RNPC3: variants seen among roughly 807,000 people sequenced by gnomAD.
The protein encoded by RNPC3 is RNA binding region (RNP1, RRM) containing 3.
In RNPC3, 48 loss-of-function variants were observed where a neutral mutation model predicts 67.5. The ratio of observed to expected loss-of-function variants is 0.71; its 90% CI spans 0.56 to 0.90. The LOEUF (loss-of-function observed/expected upper bound fraction) is 0.90. Ranked by LOEUF, RNPC3 falls within the 40% of genes least tolerant of loss-of-function variation. RNPC3 has a pLI of 0.00. For missense variants in RNPC3, 637 were observed against 626.1 expected, an observed-to-expected ratio of 1.02 and a Z score of -0.19; for synonymous variants, 239 against 210.3, an observed-to-expected ratio of 1.14 and a Z score of -1.18.
chr1:103,540,769 A>G (rs1469370399), intron 7 of RNPC3, among the ~76,000 whole-genome samples: 1 of 152,172 alleles, frequency 6.6e-6, no homozygotes, highest in Non-Finnish European at 1.5e-5. Context: ...CTTTAATATT[A>G]AATATTCATA....
At chr1:103,531,344 T>C (rs1048308403) in intron 2 of RNPC3, among the ~76,000 whole-genome samples, 3 of 152,202 alleles carry the variant, frequency 2.0e-5, no homozygotes, top group Admixed American at 2.0e-4. Context: ...TAATGACTTA[T>C]TGTCCTCTGG....
chr1:103,549,791 C>T (rs866551039), intron 12 of RNPC3, among the ~76,000 whole-genome samples: 7 of 152,252 alleles, frequency 4.6e-5, no homozygotes, highest in Middle Eastern at 6.8e-3. Context: ...TGGACATCAC[C>T]TGTAAAATTA....
At chr1:103,546,895 C>A in intron 11 of RNPC3, 82 bp from the exon 12 acceptor site, 1 of 709,408 alleles carries the variant, frequency 1.4e-6, no homozygotes, top group Admixed American at 2.7e-5. Context: ...ACCTCTTCTA[C>A]TGATGCATTG....
intron 7 of RNPC3, among the ~76,000 whole-genome samples, chr1:103,540,510 T>TA (rs1651100793): frequency 6.6e-6 from 1 of 152,232 alleles, no homozygotes; most frequent in African/African-American, 2.4e-5. Context: ...ATACTTTGAA[T>TA]AACTAAATTT....
chr1:103,549,598 A>G (rs770144822), intron 12 of RNPC3, among the ~76,000 whole-genome samples: 8 of 152,180 alleles, frequency 5.3e-5, no homozygotes, highest in Non-Finnish European at 1.0e-4. Context: ...AATATTAGGT[A>G]ATATTTCAGT....
chr1:103,553,014 C>A (rs1048129799), intron 14 of RNPC3, among the ~76,000 whole-genome samples: 12 of 152,050 alleles, frequency 7.9e-5, no homozygotes, highest in African/African-American at 2.4e-5. Flanking sequence ...ACTAAAAGAA[C>A]ACGAAGTAAT....
intron 2 of RNPC3, among the ~76,000 whole-genome samples, chr1:103,531,333 A>G (rs1015418589): frequency 2.0e-5 from 3 of 152,188 alleles, no homozygotes; most frequent in East Asian, 1.9e-4. Flanking sequence ...TCTTTTTTGT[A>G]TAATGACTTA....
At position 103,537,500 on chromosome 1, in the gene RNPC3, A is replaced by T. The variant is rs780202337; in HGVS notation, c.767+16A>T. ...ACCGACAGAGGTTTGTAACATGAAAAATTTGTTTAGTTTCCAAGAAACATA... is the reference window on the plus strand; with the variant it reads ...ACCGACAGAGGTTTGTAACATGAAATATTTGTTTAGTTTCCAAGAAACATA... On this transcript the variant is annotated intron_variant, in intron 7 of 14. Coordinates refer to ENST00000423855, the MANE Select transcript of RNPC3 (RefSeq NM_017619.4). 6.5e-7 allele frequency: 1 copy of T among 1,528,314 alleles called. No individual in the cohort carries two copies. Among genetic ancestry groups the T allele is most frequent in the South Asian group, 1.2e-5 (1 of 82,948 alleles). 94.7% of individuals were successfully genotyped at this position (1,528,314 alleles called of 1,614,324 possible). A position where few individuals can be genotyped will look rare whatever the true frequency, so the allele number is the denominator to read the frequency against.
rs930438084 is a variant in RNPC3, at chr1:103,543,441, A to C, written c.1039A>C (p.Asn347His). The stretch of plus-strand genomic sequence containing the variant: ...AAAGGAACAAAATTGTGAGGAAAAA[A>C]ATCATGGTAAGGATATTCTAGTTAT... ...LEKEQNCEEK[N>H]HDLPATEVDA... The change falls in exon 9 of 15, where the codon AAT becomes CAT. Residue 347 changes from asparagine to histidine, a missense_variant. Around this residue, in one of 3 missense-constraint regions of RNPC3, gnomAD observed 536 missense variants for 500.3 expected, o/e 1.07. Coordinates refer to ENST00000423855, the MANE Select transcript of RNPC3 (RefSeq NM_017619.4). The C allele has an allele frequency of 1.7e-5, 26 of 1,505,700 alleles. No individual in the cohort carries two copies. The highest frequency in any genetic ancestry group is 2.3e-5 in the Non-Finnish European group (26 of 1,133,474). The allele number at this position is 1,505,700 out of a possible 1,614,324, so 93.3% of individuals were successfully genotyped here. A position where few individuals can be genotyped will look rare whatever the true frequency, so the allele number is the denominator to read the frequency against.
intron 2 of RNPC3, among the ~76,000 whole-genome samples, chr1:103,530,429 G>C (rs1382785999): frequency 6.6e-6 from 1 of 152,122 alleles, no homozygotes; most frequent in Non-Finnish European, 1.5e-5. Flanking sequence ...CTTTGAATTA[G>C]AGGAACAGCT....
At chr1:103,529,900 C>T (rs1422742150) in intron 2 of RNPC3, among the ~76,000 whole-genome samples, 1 of 152,142 alleles carries the variant, frequency 6.6e-6, no homozygotes. Context: ...GGCGACTCCG[C>T]CTGGCTGCCT....
chr1:103,541,082 C>T (rs1651114576), intron 7 of RNPC3, among the ~76,000 whole-genome samples: 1 of 152,182 alleles, frequency 6.6e-6, no homozygotes, highest in Admixed American at 6.5e-5. Context: ...TATGATGAAA[C>T]ATACATTTTA....
Position 103,541,390 on chromosome 1 carries a change from A to C in RNPC3, c.808A>C (p.Arg270=), listed in dbSNP as rs978204290. The change falls in exon 8 of 15, where the codon AGA becomes CGA. Residue 270 remains arginine, a synonymous_variant. Transcript: ENST00000423855. ...GGAACTAGCAAATCTTCAGCCCAAA[A>C]GACCTAAAACAATAAAGCAGCGCCA... is the stretch of plus-strand genomic sequence containing the variant. ...LMELANLQPK[R]PKTIKQRHVR... is the part of the protein sequence containing the mutation. 1 of 1,510,098 alleles carries C rather than the reference A, an allele frequency of 6.6e-7. No homozygotes were observed. Among genetic ancestry groups the C allele is most frequent in the Admixed American group, 2.3e-5 (1 of 43,930 alleles). The allele number at this position is 1,510,098 out of a possible 1,614,324, so 93.5% of individuals were successfully genotyped here.
chr1:103,543,276 C>G lies in RNPC3; in HGVS notation c.894-20C>G, dbSNP rs576742676. The G allele has an allele frequency of 2.9e-6, 4 of 1,380,670 alleles. No individual in the cohort carries two copies. The South Asian group carries it at 6.7e-5, about 23-fold the overall frequency. The allele number at this position is 1,380,670 out of a possible 1,614,324, so 85.5% of individuals were successfully genotyped here. On this transcript the variant is annotated intron_variant, in intron 8 of 14. Transcript: ENST00000423855. ...TTTTATTTGCAATTACAAACTAATG[C>G]TATGATTGTTTTTAAATAGCAGTTT...
chr1:103,551,190 T>TAAATTA, intron 13 of RNPC3, 117 bp downstream of exon 13: 1 of 845,584 alleles, frequency 1.2e-6, no homozygotes, highest in South Asian at 1.9e-5. Context: ...CAGTAGATAT[T>TAAATTA]CATTCGTTAC....
At chr1:103,546,475 T>C (rs1651246826) in intron 11 of RNPC3, 133 bp downstream of exon 11, 1 of 449,620 alleles carries the variant, frequency 2.2e-6, no homozygotes, top group Non-Finnish European at 3.9e-6. Flanking sequence ...TGACAAATTA[T>C]TGTTTAGTAT....
At position 103,547,040 on chromosome 1, in the gene RNPC3, G is replaced by A; in HGVS notation, c.1361+5G>A. On this transcript the variant is annotated splice_donor_5th_base_variant and intron_variant, in intron 12 of 14. Transcript: ENST00000423855. The stretch of plus-strand genomic sequence containing the variant: ...ATCAGAAACACAGCGGATCATGTAA[G>A]TGACAGTAAAATACAATCTTCAATT... 1 of 1,463,772 alleles carries A rather than the reference G, an allele frequency of 6.8e-7. No homozygotes were observed. Among genetic ancestry groups the A allele is most frequent in the Non-Finnish European group, 9.1e-7 (1 of 1,092,912 alleles). The allele number at this position is 1,463,772 out of a possible 1,614,324, so 90.7% of individuals were successfully genotyped here. A position where few individuals can be genotyped will look rare whatever the true frequency, so the allele number is the denominator to read the frequency against.
intron 9 of RNPC3, among the ~76,000 whole-genome samples, chr1:103,544,346 G>A (rs1227699363): frequency 6.6e-6 from 1 of 151,742 alleles, no homozygotes; most frequent in Non-Finnish European, 1.5e-5. Context: ...GTTTGCCATG[G>A]TCTCTTTTTT....
In RNPC3 at chr1:103,535,381, C is replaced by T. The variant is rs1195239603; in HGVS notation, c.495C>T (p.Ser165=). Residue 165 remains serine, a synonymous_variant, in exon 5 of 15, where the codon TCC becomes TCT. Transcript: ENST00000423855. The stretch of plus-strand genomic sequence containing the variant: ...TCAAGTATATGTACCCACCACCTTC[C>T]AGCACAATCCTAGCAAACATTGTAA... ...SCLKYMYPPP[S]STILANIVNA... is the part of the protein sequence containing the mutation. The T allele has an allele frequency of 6.5e-7, 1 of 1,535,648 alleles. No homozygotes were observed. Among genetic ancestry groups the T allele is most frequent in the Non-Finnish European group, 8.7e-7 (1 of 1,145,834 alleles).
Sources: gnomAD v4.1 joint callset for allele counts (sites outside exome capture counted in the v4.1 genomes callset) on GRCh38, gnomAD v4.1.1 for gene constraint, gnomAD v4.1.1 regional missense constraint, MANE v1.5 for transcripts, NCBI Gene and HGNC (gene_info 2026-07-23, HGNC 2026-07-21) for gene names.